CACNA1E: variants seen among roughly 807,000 people sequenced by gnomAD.
CACNA1E encodes voltage-dependent R-type calcium channel subunit alpha-1E.
CACNA1E carries 40 observed loss-of-function variants against 259.2 expected under a neutral mutation model. The ratio of observed to expected loss-of-function variants is 0.15; its 90% CI spans 0.12 to 0.20. The LOEUF is 0.20. Among genes scored for constraint, CACNA1E ranks in the 10% least tolerant of loss-of-function variants. CACNA1E has a pLI of 1.00. For missense variants in CACNA1E, 1,874 were observed against 3,040.1 expected, an observed-to-expected ratio of 0.62 and a Z score of 9.02; for synonymous variants, 1,104 against 1,138.5, an observed-to-expected ratio of 0.97 and a Z score of 0.61.
intron 1 of CACNA1E, among the ~76,000 whole-genome samples, chr1:181,378,107 C>T (rs1655222144): frequency 6.6e-6 from 1 of 152,172 alleles, no homozygotes; most frequent in African/African-American, 2.4e-5. Flanking sequence ...TAGCACTAGA[C>T]TTGTTGTGGG....
At chr1:181,693,149 A>AAAAAAAC (rs1558273258) in intron 7 of CACNA1E, among the ~76,000 whole-genome samples, 4 of 128,762 alleles carry the variant, frequency 3.1e-5, no homozygotes, top group Non-Finnish European at 1.7e-5. Context: ...AAAAAAAAAA[A>AAAAAAAC]ACAACAGATG....
chr1:181,759,587 C>T (rs1658395422), intron 32 of CACNA1E, among the ~76,000 whole-genome samples: 1 of 152,142 alleles, frequency 6.6e-6, no homozygotes, highest in African/African-American at 2.4e-5. Context: ...TTAAGAAAAT[C>T]CAGCCCTTGG....
chr1:181,485,358 C>G lies in CACNA1E; in HGVS notation c.266+1348C>G, dbSNP rs1663713972. ...CAGTCTCTGGCCTTCCCCTTCTTCT[C>G]TAGTTCCCTGCCTCAGCAGCTCGGT... On this transcript the variant is annotated intron_variant, in intron 1 of 47. Coordinates refer to ENST00000367573, the MANE Select transcript of CACNA1E (RefSeq NM_001205293.3). The surrounding 1 kb of genome is among the most constrained non-coding windows in gnomAD (Gnocchi z 4.2). 1.3e-5 allele frequency among the ~76,000 whole-genome samples: 2 copies of G among 152,236 alleles called. No individual in the cohort carries two copies. Among genetic ancestry groups the G allele is most frequent in the South Asian group, 4.1e-4 (2 of 4,838 alleles).
intron 8 of CACNA1E, among the ~76,000 whole-genome samples, chr1:181,713,226 C>G (rs1029138645): frequency 6.6e-6 from 1 of 152,114 alleles, no homozygotes; most frequent in South Asian, 2.1e-4. Context: ...TGGGGGGTCC[C>G]CAGATCTGCT....
At position 181,568,019 on chromosome 1, in the gene CACNA1E, G is replaced by A. The variant is rs549190147; in HGVS notation, c.513-9747G>A. Among the ~76,000 whole-genome samples, 51 of 152,194 alleles carry A rather than the reference G, an allele frequency of 3.4e-4. 1 individual carries two copies. In the South Asian group the frequency reaches 8.5e-3, roughly 25 times the overall value. On this transcript the variant is annotated intron_variant, in intron 3 of 47. Transcript: ENST00000367573. ...AAATACATTGCTTAATGTAGGCTAT[G>A]ATCAAAAAGGCTTGAAAATCACCAC...
At position 181,736,435 on chromosome 1, in the gene CACNA1E, G is replaced by A. The variant is rs1656038665; in HGVS notation, c.3422+1G>A. On this transcript the variant is annotated splice_donor_variant, in intron 22 of 47. Coordinates refer to ENST00000367573, the MANE Select transcript of CACNA1E (RefSeq NM_001205293.3). LOFTEE classifies it high-confidence loss of function. ...TGTTCATCTTCAGCACCACCAACCC[G>A]TAAGCCACCCTCGCGTTGCTCCCTC... 2 of 1,611,342 alleles carry A rather than the reference G, an allele frequency of 1.2e-6. No homozygotes were observed. The highest frequency in any genetic ancestry group is 1.7e-5 in the Admixed American group (1 of 59,758).
intron 2 of CACNA1E, among the ~76,000 whole-genome samples, chr1:181,442,827 AC>A (rs934505675): frequency 6.6e-6 from 1 of 151,984 alleles, no homozygotes. Flanking sequence ...GTGATGTTCC[AC>A]CCCATGGGAG....
intron 1 of CACNA1E, among the ~76,000 whole-genome samples, chr1:181,503,227 C>T (rs540052036): frequency 1.5e-4 from 23 of 152,354 alleles, no homozygotes; most frequent in Middle Eastern, 3.4e-3. Context: ...GTATCTTTCT[C>T]AGTCGGCTCA....
intron 6 of CACNA1E, among the ~76,000 whole-genome samples, chr1:181,640,673 A>G (rs1657666067): frequency 6.6e-6 from 1 of 152,224 alleles, no homozygotes; most frequent in Non-Finnish European, 1.5e-5. Flanking sequence ...CTGCCCTTGT[A>G]GGCTGTGCTG....
chr1:181,582,122 C>T (rs546897675), intron 6 of CACNA1E, among the ~76,000 whole-genome samples: 4 of 152,302 alleles, frequency 2.6e-5, no homozygotes, highest in Admixed American at 2.0e-4. Flanking sequence ...TCCATTCCCA[C>T]ATAGGATGAG....
chr1:181,370,530 A>G (rs1435199601), intron 1 of CACNA1E, among the ~76,000 whole-genome samples: 1 of 152,130 alleles, frequency 6.6e-6, no homozygotes, highest in African/African-American at 2.4e-5. Context: ...AACATGTGGT[A>G]TTTGGTTTTC....
At chr1:181,548,129 C>CTTTCTTTTCT (rs1553275388) in intron 3 of CACNA1E, among the ~76,000 whole-genome samples, 17 of 133,402 alleles carry the variant, frequency 1.3e-4, no homozygotes, top group African/African-American at 5.5e-4. Context: ...CTTTTTTTTT[C>CTTTCTTTTCT]TTTTTTTTTT....
chr1:181,474,656 G>A (rs1394417156), intron 2 of CACNA1E, among the ~76,000 whole-genome samples: 2 of 152,148 alleles, frequency 1.3e-5, no homozygotes, highest in East Asian at 1.9e-4. Context: ...GAGATAGAAC[G>A]AATTAATACT....
chr1:181,627,032 TG>T (rs1425469859), intron 6 of CACNA1E, among the ~76,000 whole-genome samples: 1 of 152,212 alleles, frequency 6.6e-6, no homozygotes, highest in Non-Finnish European at 1.5e-5. Context: ...GGGTAATTTT[TG>T]TTTTCCCGTT....
chr1:181,380,938 C>A (rs181062452), intron 1 of CACNA1E, among the ~76,000 whole-genome samples: 4 of 152,162 alleles, frequency 2.6e-5, no homozygotes, highest in African/African-American at 9.7e-5. Context: ...GAGGCCAAGG[C>A]GGGTGGATCA....
At chr1:181,338,503 AT>A (rs71121088) in intron 1 of CACNA1E, among the ~76,000 whole-genome samples, 39,090 of 141,382 alleles carry the variant, frequency 0.28, 6,107 homozygotes, top group African/African-American at 0.45. Context: ...TCATTTACCC[AT>A]TTTTTTTTTT....
intron 2 of CACNA1E, among the ~76,000 whole-genome samples, chr1:181,441,707 C>A (rs1219991717): frequency 6.6e-6 from 1 of 152,180 alleles, no homozygotes; most frequent in Non-Finnish European, 1.5e-5. Context: ...CAAGCGCCGC[C>A]TCTGCTTTTC....
chr1:181,773,388 A>T (rs887274840), intron 37 of CACNA1E, among the ~76,000 whole-genome samples: 1 of 152,224 alleles, frequency 6.6e-6, no homozygotes, highest in Non-Finnish European at 1.5e-5. Flanking sequence ...GGAGAAAAAA[A>T]TGACTTAATA....
intron 2 of CACNA1E, among the ~76,000 whole-genome samples, chr1:181,434,108 T>C (rs1039056659): frequency 6.6e-6 from 1 of 152,230 alleles, no homozygotes; most frequent in Non-Finnish European, 1.5e-5. Context: ...TTGACTTTCC[T>C]ACTTGGCTCA....
Sources: allele counts gnomAD v4.1 joint callset (sites outside exome capture counted in the v4.1 genomes callset), GRCh38; gene constraint gnomAD v4.1.1; non-coding constraint Gnocchi (gnomAD v3.1); transcripts MANE v1.5; gene names NCBI Gene and HGNC (gene_info 2026-07-23, HGNC 2026-07-21).